PCDH7: variants seen among roughly 807,000 people sequenced by gnomAD.
PCDH7 encodes the protein protocadherin 7.
PCDH7 carries 17 observed loss-of-function variants against 58.9 expected under a neutral mutation model. The ratio of observed to expected loss-of-function variants is 0.29; its 90% CI spans 0.20 to 0.43. The LOEUF (loss-of-function observed/expected upper bound fraction) is 0.43. Among genes scored for constraint, PCDH7 ranks in the 20% least tolerant of loss-of-function variants. The pLI is 1.00. For synonymous variants in PCDH7, 664 were observed against 616.4 expected (o/e 1.08, Z -1.14); for missense variants, 1,274 against 1,441.0 (o/e 0.88, Z 1.88).
chr4:31,061,547 A>G (rs937560342), intron 3 of PCDH7, among the ~76,000 whole-genome samples: 10 of 87,942 alleles, frequency 1.1e-4, no homozygotes, highest in African/African-American at 3.9e-4. Flanking sequence ...GGACTTGGAG[A>G]AAAAAAAAGA....
chr4:30,799,038 C>T (rs1158664153), intron 1 of PCDH7, among the ~76,000 whole-genome samples: 1 of 152,196 alleles, frequency 6.6e-6, no homozygotes, highest in African/African-American at 2.4e-5. Context: ...TAGTAAGACA[C>T]TTCTGGCAGT....
intron 3 of PCDH7, among the ~76,000 whole-genome samples, chr4:31,100,818 T>A (rs1003411475): frequency 7.9e-5 from 12 of 152,178 alleles, no homozygotes; most frequent in Admixed American, 3.3e-4. Context: ...AAAAATACTG[T>A]TTTATCTAGA....
chr4:30,768,831 G>A (rs1033147036), intron 1 of PCDH7, among the ~76,000 whole-genome samples: 5 of 152,156 alleles, frequency 3.3e-5, no homozygotes, highest in Non-Finnish European at 7.3e-5. Flanking sequence ...ACCAACAGAT[G>A]ATGCTATTTG....
chr4:31,107,177 AC>A (rs1432827027), intron 3 of PCDH7, among the ~76,000 whole-genome samples: 1 of 152,202 alleles, frequency 6.6e-6, no homozygotes, highest in Non-Finnish European at 1.5e-5. Flanking sequence ...TGATAAAATT[AC>A]CCACGAAATT....
At chr4:31,039,711 G>A (rs1038766995) in intron 3 of PCDH7, among the ~76,000 whole-genome samples, 5 of 152,132 alleles carry the variant, frequency 3.3e-5, no homozygotes, top group African/African-American at 9.7e-5. Flanking sequence ...AAGAGCAACT[G>A]GAAGACTTAT....
intron 3 of PCDH7, among the ~76,000 whole-genome samples, chr4:31,077,573 A>T (rs557787100): frequency 2.0e-5 from 3 of 152,292 alleles, no homozygotes; most frequent in Admixed American, 2.0e-4. Flanking sequence ...AATGTTTTAA[A>T]TGTTTAGCTC....
chr4:30,865,631 T>C (rs1454865640), intron 1 of PCDH7, among the ~76,000 whole-genome samples: 1 of 152,100 alleles, frequency 6.6e-6, no homozygotes, highest in Non-Finnish European at 1.5e-5. Flanking sequence ...ATATTCTTAA[T>C]AATTTACAGT....
intron 1 of PCDH7, among the ~76,000 whole-genome samples, chr4:30,845,864 AT>A: frequency 6.6e-6 from 1 of 152,130 alleles, no homozygotes; most frequent in East Asian, 1.9e-4. Flanking sequence ...AAGTGTTGGG[AT>A]TACAGGTGTA....
At chr4:30,883,421 C>T (rs566141473) in intron 1 of PCDH7, among the ~76,000 whole-genome samples, 1 of 151,924 alleles carries the variant, frequency 6.6e-6, no homozygotes, top group African/African-American at 2.4e-5. Flanking sequence ...GAAATCATGA[C>T]CTCAGTGGTT....
At chr4:31,000,496 A>C (rs148493659) in intron 3 of PCDH7, among the ~76,000 whole-genome samples, 1 of 152,112 alleles carries the variant, frequency 6.6e-6, no homozygotes, top group South Asian at 2.1e-4. Flanking sequence ...TATCCTGGAA[A>C]ATTATTTTCT....
intron 3 of PCDH7, among the ~76,000 whole-genome samples, chr4:31,038,652 T>C (rs987186390): frequency 6.6e-6 from 1 of 152,224 alleles, no homozygotes; most frequent in Non-Finnish European, 1.5e-5. Flanking sequence ...GATTTCTTCA[T>C]CAGAAATTCT....
At chr4:31,064,207 T>C (rs1440219077) in intron 3 of PCDH7, among the ~76,000 whole-genome samples, 3 of 152,016 alleles carry the variant, frequency 2.0e-5, no homozygotes. Context: ...TTGTTTTCTA[T>C]TATTTCATTG....
intron 3 of PCDH7, among the ~76,000 whole-genome samples, chr4:31,085,308 C>T (rs2109276035): frequency 6.6e-6 from 1 of 152,156 alleles, no homozygotes. Context: ...CAAAATATCT[C>T]AAGCACTGAT....
chr4:31,004,079 T>C (rs186626544), intron 3 of PCDH7, among the ~76,000 whole-genome samples: 3 of 152,206 alleles, frequency 2.0e-5, no homozygotes, highest in Non-Finnish European at 4.4e-5. Context: ...TTGGGGTCCT[T>C]AGAGGTTTTA....
chr4:30,730,801 T>C (rs749118959), exon 2 of PCDH7: 2 of 1,607,838 alleles, frequency 1.2e-6, no homozygotes, highest in South Asian at 2.2e-5. Flanking sequence ...TCCACTCTAA[T>C]ATGATGCTCC....
At chr4:30,947,720 T>C (rs1271053487) in intron 2 of PCDH7, among the ~76,000 whole-genome samples, 1 of 152,156 alleles carries the variant, frequency 6.6e-6, no homozygotes, top group Non-Finnish European at 1.5e-5. Flanking sequence ...AGTGTCCTTC[T>C]TCTAGCTATG....
downstream of PCDH7, chr4:30,733,067 C>T (rs1269362928): frequency 6.6e-6 from 1 of 152,300 alleles, no homozygotes. Flanking sequence ...ATTCCTCACC[C>T]AGCTGTTGCT....
At chr4:31,015,239 T>C (rs1382060767) in intron 3 of PCDH7, among the ~76,000 whole-genome samples, 18 of 152,144 alleles carry the variant, frequency 1.2e-4, no homozygotes. Flanking sequence ...TCAGAATGCA[T>C]AAACTCAGCA....
chr4:30,966,608 T>C (rs774475424), intron 3 of PCDH7, among the ~76,000 whole-genome samples: 2 of 151,992 alleles, frequency 1.3e-5, no homozygotes, highest in Non-Finnish European at 2.9e-5. Flanking sequence ...GGGATATGAA[T>C]TGAGTAAGCA....
Sources: gnomAD v4.1 joint callset for allele counts (sites outside exome capture counted in the v4.1 genomes callset) on GRCh38, gnomAD v4.1.1 for gene constraint, MANE v1.5 for transcripts, NCBI Gene and HGNC (gene_info 2026-07-23, HGNC 2026-07-21) for gene names.